Variants in PCDHA1 observed in about 807,000 individuals in gnomAD.
PCDHA1 encodes protocadherin alpha 1.
A neutral mutation model predicts 61.3 loss-of-function variants in PCDHA1; 42 were observed. The observed-to-expected ratio is 0.69, with a 90% CI of 0.54 to 0.89. The LOEUF (loss-of-function observed/expected upper bound fraction) is 0.89. Ranked by LOEUF, PCDHA1 falls within the 40% of genes least tolerant of loss-of-function variation. The pLI, the probability that PCDHA1 is intolerant of heterozygous loss-of-function variation, is 0.00. For missense variants in PCDHA1, 1,256 were observed against 1,235.3 expected (o/e 1.02, Z -0.25); for synonymous variants, 610 against 553.8 (o/e 1.10, Z -1.43).
intron 1 of PCDHA1, chr5:140,836,629 C>CGA: frequency 4.3e-6 from 7 of 1,613,468 alleles, no homozygotes; most frequent in Non-Finnish European, 5.9e-6. Flanking sequence ...GGGAGCTGGT[C>CGA]ATTCTCCCAG....
chr5:140,821,686 A>G (rs1460155529), intron 1 of PCDHA1: 3 of 1,371,046 alleles, frequency 2.2e-6, no homozygotes, highest in African/African-American at 2.9e-5. Flanking sequence ...AGGCGATAAT[A>G]TAAAAAATAT....
At chr5:140,796,787 C>T (rs267600383) in intron 1 of PCDHA1, 1 of 1,614,132 alleles carries the variant, frequency 6.2e-7, no homozygotes, top group East Asian at 2.2e-5. Flanking sequence ...GCGTGGCTTT[C>T]GTACGAGCTT....
chr5:140,830,320 C>CG (rs2150184981), intron 1 of PCDHA1: 1 of 1,613,990 alleles, frequency 6.2e-7, no homozygotes, highest in Non-Finnish European at 8.5e-7. Context: ...TGTGCTCCAG[C>CG]GCAGTGGGGA....
At chr5:140,991,563 C>T (rs577838155) in intron 3 of PCDHA1, among the ~76,000 whole-genome samples, 4 of 152,288 alleles carry the variant, frequency 2.6e-5, no homozygotes, top group South Asian at 4.1e-4. Context: ...CCTTTAGTTT[C>T]CAATAACAGG....
At chr5:140,981,041 A>C (rs72802989) in intron 2 of PCDHA1, among the ~76,000 whole-genome samples, 7,382 of 152,278 alleles carry the variant, frequency 0.048, 205 homozygotes, top group Non-Finnish European at 0.065. Context: ...GGGAAAAAAA[A>C]CAGATAATTC....
At chr5:140,962,932 TC>T (rs1188109186) in intron 1 of PCDHA1, among the ~76,000 whole-genome samples, 20 of 152,266 alleles carry the variant, frequency 1.3e-4, no homozygotes, top group African/African-American at 4.3e-4. Flanking sequence ...CTTCTCAACC[TC>T]CTCTCCATAA....
intron 1 of PCDHA1, chr5:140,816,401 A>G (rs1765898077): frequency 6.6e-6 from 1 of 152,022 alleles, no homozygotes; most frequent in Non-Finnish European, 1.5e-5. Context: ...CTGCTTATGC[A>G]TTATTTTCCT....
At chr5:140,896,501 T>G (rs1279439158) in intron 1 of PCDHA1, among the ~76,000 whole-genome samples, 4 of 152,048 alleles carry the variant, frequency 2.6e-5, no homozygotes, top group Non-Finnish European at 4.4e-5. Flanking sequence ...TAGCTGGGAC[T>G]GTGCAGGCAC....
chr5:140,856,028 G>T, intron 1 of PCDHA1: 1 of 1,560,948 alleles, frequency 6.4e-7, no homozygotes, highest in East Asian at 2.3e-5. Flanking sequence ...TCGTCGATTT[G>T]TAAAACAAGA....
intron 1 of PCDHA1, chr5:140,814,920 C>A (rs2126660110): frequency 2.6e-5 from 4 of 152,204 alleles, no homozygotes; most frequent in South Asian, 2.1e-4. Flanking sequence ...GGTGAATTGA[C>A]CTTTTATCAT....
chr5:140,833,536 G>C (rs188132068), intron 1 of PCDHA1, among the ~76,000 whole-genome samples: 1 of 152,138 alleles, frequency 6.6e-6, no homozygotes, highest in African/African-American at 2.4e-5. Flanking sequence ...ACAAGTGTTC[G>C]AAAGGATAGA....
At chr5:140,844,880 C>A (rs1779593021) in intron 1 of PCDHA1, among the ~76,000 whole-genome samples, 2 of 149,342 alleles carry the variant, frequency 1.3e-5, no homozygotes, top group South Asian at 4.2e-4. Context: ...ACCCATTAGA[C>A]TTCGTGCATA....
At chr5:140,853,981 T>C (rs1380460625) in intron 1 of PCDHA1, 1 of 543,664 alleles carries the variant, frequency 1.8e-6, no homozygotes, top group East Asian at 1.4e-4. Context: ...GAGACCAATG[T>C]AGTGAGACTC....
Position 140,842,781 on chromosome 5 carries a change from A to G in PCDHA1, c.2394+54097A>G. ...GCGCGAGACGCGGACGCGCAGGAGA[A>G]CGCGCTGGTGTCCTACTCGCTTGTG... is the stretch of plus-strand genomic sequence containing the variant. On this transcript the variant is annotated intron_variant, in intron 1 of 3. Transcript: ENST00000504120. The G allele has an allele frequency of 1.3e-6, 2 of 1,594,512 alleles. 1 individual carries two copies. Among genetic ancestry groups the G allele is most frequent in the Non-Finnish European group, 1.7e-6 (2 of 1,165,394 alleles).
chr5:140,836,417 G>T, intron 1 of PCDHA1: 2 of 1,613,822 alleles, frequency 1.2e-6, no homozygotes, highest in Non-Finnish European at 1.7e-6. Flanking sequence ...CACCAAAGGC[G>T]TCGTCGCGGG....
intron 1 of PCDHA1, chr5:140,841,441 A>G: frequency 1.2e-6 from 2 of 1,612,978 alleles, no homozygotes; most frequent in Non-Finnish European, 1.7e-6. Context: ...AGGAGGCCAA[A>G]CACGGCACCT....
intron 3 of PCDHA1, among the ~76,000 whole-genome samples, chr5:141,000,387 C>A (rs868946328): frequency 8.2e-4 from 55 of 66,860 alleles, no homozygotes; most frequent in African/African-American, 2.7e-3. Context: ...CTCTCTCTCT[C>A]TCTCTCTCTA....
At chr5:140,953,333 G>T (rs1164031991) in intron 1 of PCDHA1, among the ~76,000 whole-genome samples, 1 of 151,962 alleles carries the variant, frequency 6.6e-6, no homozygotes, top group East Asian at 1.9e-4. Flanking sequence ...TAGAATTTAG[G>T]GCTCACCTTC....
intron 1 of PCDHA1, among the ~76,000 whole-genome samples, chr5:140,846,724 A>G (rs1780644299): frequency 6.7e-6 from 1 of 149,338 alleles, no homozygotes; most frequent in Admixed American, 6.7e-5. Context: ...AGTCTTCATT[A>G]AACATTAAAT....
Sources: allele counts gnomAD v4.1 joint callset (sites outside exome capture counted in the v4.1 genomes callset), GRCh38; gene constraint gnomAD v4.1.1; transcripts MANE v1.5; gene names NCBI Gene and HGNC (gene_info 2026-07-23, HGNC 2026-07-21).